POU2F2: variants seen among roughly 807,000 people sequenced by gnomAD.
POU2F2 encodes POU domain, class 2, transcription factor 2.
In POU2F2, 14 loss-of-function variants were observed where a neutral mutation model predicts 63.5. The observed-to-expected ratio is 0.22, with a 90% CI of 0.15 to 0.34. The LOEUF is 0.34. POU2F2 is among the 10% of genes least tolerant of loss of function. The pLI, the probability that POU2F2 is intolerant of heterozygous loss-of-function variation, is 1.00. For synonymous variants in POU2F2, 306 were observed against 348.6 expected, an observed-to-expected ratio of 0.88 and a Z score of 1.36; for missense variants, 607 against 815.2, an observed-to-expected ratio of 0.74 and a Z score of 3.11.
intron 4 of POU2F2, among the ~76,000 whole-genome samples, chr19:42,121,036 G>T (rs2146612066): frequency 6.6e-6 from 1 of 152,296 alleles, no homozygotes; most frequent in East Asian, 1.9e-4. Flanking sequence ...CCCGAGGCCA[G>T]GAAGGGGAGG....
chr19:42,148,282 C>A (rs1258508617), intron 2 of POU2F2, among the ~76,000 whole-genome samples: 1 of 152,170 alleles, frequency 6.6e-6, no homozygotes, highest in African/African-American at 2.4e-5. Flanking sequence ...TTAGGAAGGC[C>A]TTGTACTAAT....
chr19:42,159,733 C>A (rs758020098), intron 2 of POU2F2, among the ~76,000 whole-genome samples: 2 of 152,170 alleles, frequency 1.3e-5, no homozygotes, highest in Non-Finnish European at 2.9e-5. Flanking sequence ...ACGCTTCCAG[C>A]CATATTTTGA....
chr19:42,177,754 G>T (rs1456690773), upstream of POU2F2, among the ~76,000 whole-genome samples: 3 of 151,954 alleles, frequency 2.0e-5, no homozygotes, highest in East Asian at 5.8e-4. Flanking sequence ...GGATTCAAAG[G>T]TATGGAGAGA....
rs547331897 is a variant in POU2F2 at position 42,162,150 on chromosome 19, C to A, written c.-69-1758G>T. On this transcript the variant is annotated intron_variant, in intron 1 of 6. Coordinates refer to the POU2F2 transcript ENST00000524801. The surrounding 1 kb of genome is among the most constrained non-coding windows in gnomAD (Gnocchi z 4.1). ...GGGGTCTTCCCCCAGGCAGTGCCCC[C>A]ACCTTGGGCTTCCCTCCAGCAGGGC... Among the ~76,000 whole-genome samples the A allele has an allele frequency of 3.3e-5, 5 of 152,278 alleles. No individual in the cohort carries two copies. Among genetic ancestry groups the A allele is most frequent in the African/African-American group, 1.2e-4 (5 of 41,570 alleles).
chr19:42,120,218 CTTTT>C (rs60956281), intron 4 of POU2F2, among the ~76,000 whole-genome samples: 3 of 139,130 alleles, frequency 2.2e-5, no homozygotes, highest in Admixed American at 7.1e-5. Flanking sequence ...GCCTAATCTC[CTTTT>C]TTTTTTTTTT....
chr19:42,093,795 C>A, intron 12 of POU2F2, 34 bp downstream of exon 12: 1 of 1,583,128 alleles, frequency 6.3e-7, no homozygotes, highest in South Asian at 1.1e-5. Context: ...CACATCCTCC[C>A]AGTCCCCCCT....
At chr19:42,108,861 C>T (rs1287326983) in intron 5 of POU2F2, among the ~76,000 whole-genome samples, 2 of 152,212 alleles carry the variant, frequency 1.3e-5, no homozygotes, top group African/African-American at 2.4e-5. Context: ...TTTAAGGAAA[C>T]CTAGCACAAG....
rs148905468 is a variant in POU2F2 at position 42,156,939 on chromosome 19, G to A, written c.-9+3393C>T. ...AGGCATTCAGGACTCCCCTCAGGGTGTGTGAGCACCCTGGGGCACATGCCT... is the reference window on the plus strand; with the variant it reads ...AGGCATTCAGGACTCCCCTCAGGGTATGTGAGCACCCTGGGGCACATGCCT... On this transcript the variant is annotated intron_variant, in intron 2 of 6. Coordinates refer to the POU2F2 transcript ENST00000524801. This position sits in a 1 kb window ranked among gnomAD's most constrained non-coding sequence, Gnocchi z 4.1. The A allele has an allele frequency of 1.1e-4, 16 of 152,380 alleles. No individual in the cohort carries two copies. Among genetic ancestry groups the A allele is most frequent in the African/African-American group, 3.8e-4 (16 of 41,566 alleles). The allele number at this position is 152,380 out of a possible 1,614,324, so 9.4% of individuals were successfully genotyped here.
At chr19:42,176,628 C>T (rs1239815674), upstream of POU2F2, among the ~76,000 whole-genome samples, 1 of 152,132 alleles carries the variant, frequency 6.6e-6, no homozygotes, top group Non-Finnish European at 1.5e-5. Context: ...TCTTCACCTC[C>T]TCTCCGTCCC....
intron 5 of POU2F2, among the ~76,000 whole-genome samples, chr19:42,110,169 G>A (rs2030845598): frequency 6.6e-6 from 1 of 151,728 alleles, no homozygotes. Context: ...AGGCTGAGGT[G>A]GGAGGATTGC....
chr19:42,195,493 A>G (rs1197477266), intron 1 of POU2F2, among the ~76,000 whole-genome samples: 1 of 150,630 alleles, frequency 6.6e-6, no homozygotes, highest in Non-Finnish European at 1.5e-5. Flanking sequence ...CCACCACACC[A>G]GGCTAATTTT....
In POU2F2 at chr19:42,096,843, T is replaced by C. The variant is rs980531305; in HGVS notation, c.568-600A>G. 6.6e-6 allele frequency among the ~76,000 whole-genome samples: 1 copy of C among 152,172 alleles called. No individual in the cohort carries two copies. Among genetic ancestry groups the C allele is most frequent in the Non-Finnish European group, 1.5e-5 (1 of 68,034 alleles). On this transcript the variant is annotated intron_variant, in intron 7 of 14. Transcript: ENST00000692977. This position sits in a 1 kb window ranked among gnomAD's most constrained non-coding sequence, Gnocchi z 4.1. Reference sequence around the variant, plus strand: ...TCATCACCTGTTACGCTTGTACCACTCTGGTTGGGGATGTAGATGATGCAG... The same window carrying C: ...TCATCACCTGTTACGCTTGTACCACCCTGGTTGGGGATGTAGATGATGCAG...
intron 1 of POU2F2, among the ~76,000 whole-genome samples, chr19:42,191,268 G>A (rs1046212426): frequency 6.6e-6 from 1 of 152,106 alleles, no homozygotes; most frequent in Non-Finnish European, 1.5e-5. Flanking sequence ...GGGCATCAGA[G>A]AACAGAAAAA....
At chr19:42,171,563 C>T (rs888879029) in intron 1 of POU2F2, among the ~76,000 whole-genome samples, 3 of 151,706 alleles carry the variant, frequency 2.0e-5, no homozygotes, top group East Asian at 1.9e-4. Flanking sequence ...GGGGGCAGTG[C>T]GGTACAGGCA....
At chr19:42,103,835 G>A (rs1428203096) in intron 5 of POU2F2, among the ~76,000 whole-genome samples, 2 of 151,922 alleles carry the variant, frequency 1.3e-5, no homozygotes, top group African/African-American at 4.8e-5. Flanking sequence ...AGGTTTCACC[G>A]TGTTAGCCAG....
In POU2F2 at chr19:42,095,792, A is replaced by G. The variant is rs776610805; in HGVS notation, c.867T>C (p.Asp289=). The change falls in exon 9 of 15, where the codon GAT becomes GAC. Residue 289 remains aspartate (D), a synonymous_variant. Transcript: ENST00000692977. This position sits in a 1 kb window ranked among gnomAD's most constrained non-coding sequence, Gnocchi z 7.1. ...GGAACCCCAGCCTGGTCCCACCTGCATCGTTGAGCCACTTCTCCAGGAGGG... is the reference window on the plus strand; with the variant it reads ...GGAACCCCAGCCTGGTCCCACCTGCGTCGTTGAGCCACTTCTCCAGGAGGG... ...LKPLLEKWLN[D]AETMSVDSSL... 3.7e-6 allele frequency: 6 copies of G among 1,613,916 alleles called. No individual in the cohort carries two copies. The highest frequency in any genetic ancestry group is 4.2e-6 in the Non-Finnish European group (5 of 1,179,880).
chr19:42,106,039 C>CT (rs901464565), intron 5 of POU2F2, among the ~76,000 whole-genome samples: 1 of 136,698 alleles, frequency 7.3e-6, no homozygotes, highest in African/African-American at 2.8e-5. Flanking sequence ...TTCTTTCTTT[C>CT]TTTCTTTCTT....
At chr19:42,099,874 A>G (rs2077064648) in intron 5 of POU2F2, 53 bp from the exon 6 acceptor site, 2 of 1,429,986 alleles carry the variant, frequency 1.4e-6, no homozygotes, top group Admixed American at 2.0e-5. Context: ...GCTGGGTTTC[A>G]TCCTCTCTGC....
At chr19:42,135,843 C>T (rs1427164106), upstream of POU2F2, among the ~76,000 whole-genome samples, 1 of 151,576 alleles carries the variant, frequency 6.6e-6, no homozygotes, top group African/African-American at 2.4e-5. Flanking sequence ...CCCGAGTAGC[C>T]GGGATTACAG....
Sources: allele counts gnomAD v4.1 joint callset (sites outside exome capture counted in the v4.1 genomes callset), GRCh38; gene constraint gnomAD v4.1.1; non-coding constraint Gnocchi (gnomAD v3.1); transcripts MANE v1.5; gene names NCBI Gene and HGNC (gene_info 2026-07-23, HGNC 2026-07-21).